AIPL1: variants seen among roughly 807,000 people sequenced by gnomAD.
The protein encoded by AIPL1 is aryl-hydrocarbon-interacting protein-like 1.
AIPL1 carries 23 observed loss-of-function variants against 32.9 expected under a neutral mutation model. The ratio of observed to expected loss-of-function variants is 0.70; its 90% CI spans 0.50 to 0.99. The LOEUF is 0.99. Among genes scored for constraint, AIPL1 ranks in the 50% least tolerant of loss-of-function variants. AIPL1 has a pLI of 0.00. For synonymous variants in AIPL1, 210 were observed against 209.4 expected (o/e 1.00, Z -0.02); for missense variants, 485 against 506.0 (o/e 0.96, Z 0.40).
At chr17:6,432,599 T>G (rs1239503194) in intron 2 of AIPL1, among the ~76,000 whole-genome samples, 1 of 151,740 alleles carries the variant, frequency 6.6e-6, no homozygotes, top group East Asian at 1.9e-4. Context: ...TTAAAAGATT[T>G]CATAATGGTA....
At chr17:6,429,832 A>G (rs151164208) in intron 2 of AIPL1, among the ~76,000 whole-genome samples, 2 of 114,530 alleles carry the variant, frequency 1.7e-5, no homozygotes, top group Admixed American at 8.1e-5. Flanking sequence ...AGGTAGATAG[A>G]TAGATAGATA....
chr17:6,426,401 T>G (rs1339776021), intron 5 of AIPL1: 1 of 1,432,284 alleles, frequency 7.0e-7, no homozygotes, highest in Non-Finnish European at 9.1e-7. Flanking sequence ...GGGTAAGTGT[T>G]CAAACACACA....
rs1029025911 is a variant in AIPL1, at chr17:6,429,199, G to A, written c.277-693C>T. ...TGAAGGAGGGCTGGGAAGATCCGCC[G>A]TGCGGCCTCAGCGAGGCCTGCTGTA... On this transcript the variant is annotated intron_variant, in intron 2 of 5. Transcript: ENST00000381129. 3.3e-5 allele frequency among the ~76,000 whole-genome samples: 5 copies of A among 152,210 alleles called. 1 individual carries two copies. Among genetic ancestry groups the A allele is most frequent in the Admixed American group, 6.5e-5 (1 of 15,288 alleles).
In AIPL1 at chr17:6,427,989, T is replaced by G. The variant is rs890276370; in HGVS notation, c.465+329A>C. Among the ~76,000 whole-genome samples the G allele has an allele frequency of 2.6e-5, 4 of 152,144 alleles. No individual in the cohort carries two copies. The East Asian group carries it at 5.8e-4, about 22-fold the overall frequency. ...CATGCACCACCACACCCGGTTAATT[T>G]TTGTGTTTTTAATAGAGACGGGGTT... On this transcript the variant is annotated intron_variant, in intron 3 of 5. Coordinates refer to ENST00000381129, the MANE Select transcript of AIPL1 (RefSeq NM_014336.5).
chr17:6,434,829 A>G, intron 1 of AIPL1, 180 bp downstream of exon 1: 1 of 1,144,410 alleles, frequency 8.7e-7, no homozygotes, highest in Non-Finnish European at 1.2e-6. Flanking sequence ...TTGAATCTGC[A>G]AAGTACCAAA....
chr17:6,433,586 A>ATCTCTCTCTCTCTCTCTCTCTCTC (rs149646818), intron 2 of AIPL1, among the ~76,000 whole-genome samples: 2 of 65,622 alleles, frequency 3.0e-5, no homozygotes, highest in South Asian at 8.4e-4. Flanking sequence ...GCGAGACCCT[A>ATCTCTCTCTCTCTCTCTCTCTCTC]TCTCTCTCTC....
chr17:6,431,931 C>A (rs1912641229), intron 2 of AIPL1, among the ~76,000 whole-genome samples: 1 of 152,204 alleles, frequency 6.6e-6, no homozygotes. Flanking sequence ...TGAATCTTAT[C>A]AGGCCCTCTA....
chr17:6,429,403 C>A (rs1912327708), intron 2 of AIPL1, among the ~76,000 whole-genome samples: 1 of 152,218 alleles, frequency 6.6e-6, no homozygotes, highest in Non-Finnish European at 1.5e-5. Flanking sequence ...GGTCACCCTG[C>A]CCGCCCCACC....
At chr17:6,430,583 G>A (rs2150685882) in intron 2 of AIPL1, among the ~76,000 whole-genome samples, 1 of 151,978 alleles carries the variant, frequency 6.6e-6, no homozygotes, top group South Asian at 2.1e-4. Context: ...CACATTATGG[G>A]AATGACAACA....
In AIPL1 at chr17:6,427,802, C is replaced by A. The variant is rs968262532; in HGVS notation, c.465+516G>T. 3.5e-5 allele frequency among the ~76,000 whole-genome samples: 5 copies of A among 142,114 alleles called. No individual in the cohort carries two copies. In the Admixed American group the frequency reaches 3.9e-4, roughly 11 times the overall value. The allele number at this position is 142,114 out of a possible 152,430, so 93.2% of individuals were successfully genotyped here. A position where few individuals can be genotyped will look rare whatever the true frequency, so the allele number is the denominator to read the frequency against. ...GAATCACATTTTTAAAAACTGGTTC[C>A]AAGTGGACTTTTTTTTTTTTTCTTT... On this transcript the variant is annotated intron_variant, in intron 3 of 5. Transcript: ENST00000381129.
intron 5 of AIPL1, chr17:6,426,183 A>G: frequency 1.6e-6 from 2 of 1,282,008 alleles, no homozygotes; most frequent in Non-Finnish European, 2.0e-6. Context: ...AACGCAGACG[A>G]CGTGTGCCTG....
At chr17:6,427,178 T>C (rs959547632) in intron 3 of AIPL1, 121 bp from the exon 4 acceptor site, 1 of 1,120,468 alleles carries the variant, frequency 8.9e-7, no homozygotes, top group Non-Finnish European at 1.3e-6. Flanking sequence ...GTCAAGTGCA[T>C]ACAGACAAGG....
intron 2 of AIPL1, among the ~76,000 whole-genome samples, chr17:6,429,816 GTAGGTAGGTAGATAGA>G (rs1320683901): frequency 0.073 from 10,598 of 144,630 alleles, 448 homozygotes; most frequent in Non-Finnish European, 0.1. Context: ...AGGTAGGTAG[GTAGGTAGGTAGATAGA>G]TAGATAGATA....
rs1364498542 is a variant in AIPL1 at position 6,425,152 on chromosome 17, A to T, written c.*308T>A. ...CCTCATTTGTCATTGACATGGGGTA[A>T]AATCTAGAAACTGATTTAAACAGAT... On this transcript the variant is annotated 3_prime_UTR_variant, in exon 6 of 6. Transcript: ENST00000381129. 1 of 276,218 alleles carries T rather than the reference A, an allele frequency of 3.6e-6. No individual in the cohort carries two copies. Among genetic ancestry groups the T allele is most frequent in the Non-Finnish European group, 6.8e-6 (1 of 147,882 alleles). 17.1% of individuals were successfully genotyped at this position (276,218 alleles called of 1,614,324 possible).
chr17:6,428,490 GGGTA>G lies in AIPL1; in HGVS notation c.289_292del (p.Tyr97ProfsTer7). The G allele has an allele frequency of 6.2e-7, 1 of 1,613,934 alleles. No homozygotes were observed. The highest frequency in any genetic ancestry group is 1.1e-5 in the South Asian group (1 of 91,090). ...CTGCCTCAGGCTCCGGGATAGGATG[GGGTA>G]GACCCCCGTGTGCTGTGGGGATAAA... On this transcript the variant is annotated frameshift_variant, in exon 3 of 6. Transcript: ENST00000381129. LOFTEE classifies it high-confidence loss of function.
rs1221466620 is a variant in AIPL1, at chr17:6,424,542, TTG to T, written c.*916_*917del. On this transcript the variant is annotated 3_prime_UTR_variant, in exon 6 of 6. Transcript: ENST00000381129. ...GGTTTTGGTTTTGTTTGTTTTTCTTTTGTTTTTTGTTGTTGTTTTTGTTTTGT... is the reference window on the plus strand; with the variant it reads ...GGTTTTGGTTTTGTTTGTTTTTCTTTTTTTTTGTTGTTGTTTTTGTTTTGT... The T allele has an allele frequency of 6.6e-6, 1 of 152,402 alleles. No individual in the cohort carries two copies. 9.4% of individuals were successfully genotyped at this position (152,402 alleles called of 1,614,324 possible). A position where few individuals can be genotyped will look rare whatever the true frequency, so the allele number is the denominator to read the frequency against.
Position 6,428,398 on chromosome 17 carries a change from A to G in AIPL1, c.385T>C (p.Tyr129His). The change falls in exon 3 of 6, where the codon TAC (tyrosine) becomes CAC (histidine). Residue 129 changes from tyrosine to histidine, a missense_variant. By Grantham distance (83) the Tyr-to-His change is moderately conservative (BLOSUM62 2). Transcript: ENST00000381129. Reference sequence around the variant, plus strand: ...AGGTCCTCGTAGCCCAGCGTGTGGTAGGCGAACATGTTGGCCAGCCCGCAC... The same window carrying G: ...AGGTCCTCGTAGCCCAGCGTGTGGTGGGCGAACATGTTGGCCAGCCCGCAC... Reference protein sequence around the residue: ...HTCGLANMFAYHTLGYEDLDE... With the variant: ...HTCGLANMFAHHTLGYEDLDE... 6.2e-7 allele frequency: 1 copy of G among 1,613,264 alleles called. No individual in the cohort carries two copies. Among genetic ancestry groups the G allele is most frequent in the East Asian group, 2.2e-5 (1 of 44,874 alleles).
intron 2 of AIPL1, among the ~76,000 whole-genome samples, chr17:6,433,611 T>TCTCTCTCACACACACA (rs758622569): frequency 9.4e-6 from 1 of 106,258 alleles, no homozygotes; most frequent in Non-Finnish European, 1.9e-5. Flanking sequence ...TCTCTCTCTC[T>TCTCTCTCACACACACA]CACACACACA....
intron 2 of AIPL1, among the ~76,000 whole-genome samples, chr17:6,429,824 G>A (rs4796490): frequency 0.014 from 956 of 67,566 alleles, 9 homozygotes; most frequent in African/African-American, 0.028. Flanking sequence ...AGGTAGGTAG[G>A]TAGATAGATA....
Sources: gnomAD v4.1 joint callset for allele counts (sites outside exome capture counted in the v4.1 genomes callset) on GRCh38, gnomAD v4.1.1 for gene constraint, MANE v1.5 for transcripts, NCBI Gene and HGNC (gene_info 2026-07-23, HGNC 2026-07-21) for gene names.